The following GRK3 variants were observed in gnomAD, a reference collection of about 807,000 sequenced individuals.
The protein encoded by GRK3 is G protein-coupled receptor kinase 3, also known as adrenergic, beta, receptor kinase 2.
In GRK3, 54 loss-of-function variants were observed where a neutral mutation model predicts 95.7. That is an observed-to-expected ratio of 0.56 (90% confidence interval 0.45 to 0.71). GRK3 has a LOEUF of 0.71. Among genes scored for constraint, GRK3 ranks in the 30% least tolerant of loss-of-function variants. The pLI, the probability that GRK3 is intolerant of heterozygous loss-of-function variation, is 0.00. For synonymous variants in GRK3, 281 were observed against 290.8 expected (o/e 0.97, Z 0.34); for missense variants, 649 against 851.2 (o/e 0.76, Z 2.96).
intron 11 of GRK3, among the ~76,000 whole-genome samples, chr22:25,688,737 C>T (rs2146436247): frequency 6.6e-6 from 1 of 152,336 alleles, no homozygotes; most frequent in East Asian, 1.9e-4. Context: ...GAGGTAGAAG[C>T]TGGCTCAGGG....
At chr22:25,693,097 A>G (rs1394613752) in intron 12 of GRK3, among the ~76,000 whole-genome samples, 3 of 152,216 alleles carry the variant, frequency 2.0e-5, no homozygotes, top group Non-Finnish European at 4.4e-5. Flanking sequence ...TCGCAGGAAA[A>G]CTTTTGGAGC....
chr22:25,695,165 A>G lies in GRK3; in HGVS notation c.1111A>G (p.Ser371Gly). 1 of 1,614,196 alleles carries G rather than the reference A, an allele frequency of 6.2e-7. No individual in the cohort carries two copies. The highest frequency in any genetic ancestry group is 1.1e-5 in the South Asian group (1 of 91,086). The change falls in exon 13 of 21, where the codon AGT becomes GGT. Residue 371 changes from serine to glycine, a missense_variant. By Grantham distance (56) the Ser-to-Gly change is moderately conservative. Transcript: ENST00000324198. ...VLQKGTAYDSSADWFSLGCML... is the reference protein window; with the variant it reads ...VLQKGTAYDSGADWFSLGCML... ...GCAGAAGGGGACGGCCTATGACAGC[A>G]GTGCCGACTGGTTCTCCCTGGGCTG...
rs1166661794 is a variant in GRK3, at chr22:25,700,127, G to A, written c.1161-3383G>A. Among the ~76,000 whole-genome samples, 6 of 152,360 alleles carry A rather than the reference G, an allele frequency of 3.9e-5. No individual in the cohort carries two copies. The East Asian group carries it at 1.2e-3, about 29-fold the overall frequency. On this transcript the variant is annotated intron_variant, in intron 13 of 20. Transcript: ENST00000324198. The stretch of plus-strand genomic sequence containing the variant: ...ATACTGCAAGGCACTTGGAGAAGGA[G>A]TCTGGATGGGAGAAAGATGTCAAGG...
chr22:25,661,266 A>G (rs190795528), intron 3 of GRK3, among the ~76,000 whole-genome samples: 1 of 152,298 alleles, frequency 6.6e-6, no homozygotes, highest in East Asian at 1.9e-4. Context: ...GCAAGGATGC[A>G]TGGTCTATGG....
intron 1 of GRK3, among the ~76,000 whole-genome samples, chr22:25,600,007 G>A (rs1354835508): frequency 1.3e-5 from 2 of 152,136 alleles, no homozygotes; most frequent in African/African-American, 4.8e-5. Context: ...TCACTTACCT[G>A]TATCTACCTA....
At chr22:25,604,962 A>T (rs2084434138) in intron 2 of GRK3, among the ~76,000 whole-genome samples, 1 of 152,150 alleles carries the variant, frequency 6.6e-6, no homozygotes, top group African/African-American at 2.4e-5. Flanking sequence ...TTGTTTGCTG[A>T]TGAGGAGATG....
rs60731107 is a variant in GRK3 at position 25,724,115 on chromosome 22, A to AACACACACACACACACACACACAC, written c.*1678_*1701dup. 32 of 144,648 alleles carry AACACACACACACACACACACACAC rather than the reference A, an allele frequency of 2.2e-4. No individual in the cohort carries two copies. The highest frequency in any genetic ancestry group is 7.4e-4 in the African/African-American group (29 of 39,406). The allele number at this position is 144,648 out of a possible 1,614,324, so 9.0% of individuals were successfully genotyped here. A position where few individuals can be genotyped will look rare whatever the true frequency, so the allele number is the denominator to read the frequency against. ...AAGAATAGTATTCAAATTCTGTTGA[A>AACACACACACACACACACACACAC]ACACACACACACACACACACACACA... On this transcript the variant is annotated 3_prime_UTR_variant, in exon 21 of 21. Transcript: ENST00000324198.
At chr22:25,661,755 A>C in intron 4 of GRK3, 78 bp downstream of exon 4, 5 of 920,016 alleles carry the variant, frequency 5.4e-6, no homozygotes, top group Non-Finnish European at 8.3e-6. Flanking sequence ...AATGAAAGTT[A>C]AACAGTAGAA....
rs2085490467 is a variant in GRK3 at position 25,728,300 on chromosome 22, T to G, written c.*5850T>G. The G allele has an allele frequency of 6.6e-6, 1 of 152,260 alleles. No individual in the cohort carries two copies. The highest frequency in any genetic ancestry group is 1.5e-5 in the Non-Finnish European group (1 of 68,052). The allele number at this position is 152,260 out of a possible 1,614,324, so 9.4% of individuals were successfully genotyped here. ...CAGCACACCTGCTGTGAAATACTGC[T>G]TTCATCTACCTCTTCAGAAGGCTTC... On this transcript the variant is annotated 3_prime_UTR_variant, in exon 21 of 21. Coordinates refer to ENST00000324198, the MANE Select transcript of GRK3 (RefSeq NM_005160.4).
chr22:25,716,629 A>T (rs1601548287), intron 18 of GRK3, among the ~76,000 whole-genome samples: 1 of 152,322 alleles, frequency 6.6e-6, no homozygotes, highest in African/African-American at 2.4e-5. Context: ...AAAAAAAAAA[A>T]TTATAATAAA....
At chr22:25,637,371 A>G (rs575345117) in intron 2 of GRK3, among the ~76,000 whole-genome samples, 2 of 152,164 alleles carry the variant, frequency 1.3e-5, no homozygotes, top group Admixed American at 6.5e-5. Context: ...TTACTTGCTT[A>G]TATGTTTCTC....
chr22:25,703,695 A>G lies in GRK3; in HGVS notation c.1227+119A>G, dbSNP rs554116256. ...AGGAAATATAAAATTATGTATAGAC[A>G]TAATAAAAATTTGCTTTCTTGAAAC... On this transcript the variant is annotated intron_variant, in intron 14 of 20. Transcript: ENST00000324198. 139 of 728,964 alleles carry G rather than the reference A, an allele frequency of 1.9e-4. 2 individuals are homozygous for G. Among genetic ancestry groups the G allele is most frequent in the South Asian group, 1.4e-3 (50 of 36,540 alleles). The allele number at this position is 728,964 out of a possible 1,614,324, so 45.2% of individuals were successfully genotyped here. A position where few individuals can be genotyped will look rare whatever the true frequency, so the allele number is the denominator to read the frequency against.
chr22:25,695,067 G>C (rs765108379), intron 12 of GRK3, 40 bp from the exon 13 acceptor site: 14 of 1,457,794 alleles, frequency 9.6e-6, no homozygotes, highest in Non-Finnish European at 1.3e-5. Flanking sequence ...TTTCTAAAGT[G>C]GGCATGCTCT....
intron 2 of GRK3, among the ~76,000 whole-genome samples, chr22:25,612,539 C>A (rs1479081265): frequency 3.3e-5 from 5 of 151,270 alleles, no homozygotes. Context: ...TGTGTGTATT[C>A]CTTAGAATTT....
chr22:25,647,255 T>C, intron 3 of GRK3: 1 of 809,886 alleles, frequency 1.2e-6, no homozygotes, highest in South Asian at 1.5e-5. Context: ...AGAGGACAGA[T>C]TTGATAATGG....
chr22:25,608,418 T>C (rs1051461751), intron 2 of GRK3, among the ~76,000 whole-genome samples: 4 of 152,220 alleles, frequency 2.6e-5, no homozygotes, highest in Non-Finnish European at 4.4e-5. Context: ...GTTGCCCCCA[T>C]GCGTAACATG....
rs967025190 is a variant in GRK3, at chr22:25,728,447, T to C, written c.*5997T>C. 12 of 152,206 alleles carry C rather than the reference T, an allele frequency of 7.9e-5. No homozygotes were observed. The highest frequency in any genetic ancestry group is 7.9e-4 in the Admixed American group (12 of 15,286). The allele number at this position is 152,206 out of a possible 1,614,324, so 9.4% of individuals were successfully genotyped here. On this transcript the variant is annotated 3_prime_UTR_variant, in exon 21 of 21. Transcript: ENST00000324198. ...AGGTTTGTTTCTAAAGCCACGGTATTGTCCAGGAGCCCCTGTGTGTGGGGC... is the reference window on the plus strand; with the variant it reads ...AGGTTTGTTTCTAAAGCCACGGTATCGTCCAGGAGCCCCTGTGTGTGGGGC...
chr22:25,665,276 T>C (rs1165421401), intron 5 of GRK3, among the ~76,000 whole-genome samples: 1 of 152,244 alleles, frequency 6.6e-6, no homozygotes, highest in Non-Finnish European at 1.5e-5. Flanking sequence ...TGCTTTTTGT[T>C]GTCTCCATGA....
Position 25,709,947 on chromosome 22 carries a change from C to A in GRK3, c.1378C>A (p.His460Asn), listed in dbSNP as rs756781072. 11 of 1,613,574 alleles carry A rather than the reference C, an allele frequency of 6.8e-6. No homozygotes were observed. The highest frequency in any genetic ancestry group is 1.7e-4 in the Middle Eastern group (1 of 6,058). Residue 460 changes from histidine to asparagine, a missense_variant, in exon 16 of 21, where the codon CAT (histidine) becomes AAT (asparagine). By Grantham distance (68) the His-to-Asn change is moderately conservative. Transcript: ENST00000324198. ...CTTTTTCAAAGGTGTTGACTGGCAGCATGTCTACTTACAAAAGGTACTCAC... is the reference window on the plus strand; with the variant it reads ...CTTTTTCAAAGGTGTTGACTGGCAGAATGTCTACTTACAAAAGGTACTCAC... The part of the protein sequence containing the change: ...HSFFKGVDWQ[H>N]VYLQKYPPPL...
Sources: allele counts gnomAD v4.1 joint callset (sites outside exome capture counted in the v4.1 genomes callset), GRCh38; gene constraint gnomAD v4.1.1; transcripts MANE v1.5; gene names NCBI Gene and HGNC (gene_info 2026-07-23, HGNC 2026-07-21).